Variants in PCDHA6 observed in about 807,000 individuals in gnomAD.
PCDHA6 encodes the protein protocadherin alpha-6.
Under a neutral mutation model 60.3 loss-of-function variants are expected in PCDHA6, and 55 were observed. That is an observed-to-expected ratio of 0.91 (90% CI 0.73 to 1.14). The LOEUF is 1.14. Ranked by LOEUF, PCDHA6 falls within the 50% of genes most tolerant of loss-of-function variation. The probability of loss-of-function intolerance (pLI) is 0.00; values close to 1 mark genes in which losing one functional copy is unlikely to be tolerated. For missense variants in PCDHA6, 1,327 were observed against 1,256.5 expected, an observed-to-expected ratio of 1.06 and a Z score of -0.85; for synonymous variants, 652 against 557.9, an observed-to-expected ratio of 1.17 and a Z score of -2.38.
intron 1 of PCDHA6, chr5:140,968,039 G>A (rs1016266543): frequency 1.7e-5 from 28 of 1,614,026 alleles, no homozygotes; most frequent in Non-Finnish European, 1.9e-5. Context: ...GGTGGTGAGC[G>A]GCCCACTGGA....
chr5:140,947,020 G>A (rs782772876), intron 1 of PCDHA6, among the ~76,000 whole-genome samples: 3 of 151,616 alleles, frequency 2.0e-5, no homozygotes, highest in Non-Finnish European at 4.4e-5. Flanking sequence ...AATGTTTGAG[G>A]TAATGGATAT....
At chr5:140,921,244 A>G (rs1167584267) in intron 1 of PCDHA6, among the ~76,000 whole-genome samples, 1 of 152,180 alleles carries the variant, frequency 6.6e-6, no homozygotes, top group African/African-American at 2.4e-5. Flanking sequence ...TAAGCCACAG[A>G]TCAAAAAGTC....
chr5:140,890,409 A>G (rs1554184285), intron 1 of PCDHA6, among the ~76,000 whole-genome samples: 1 of 152,174 alleles, frequency 6.6e-6, no homozygotes, highest in Non-Finnish European at 1.5e-5. Context: ...TTTAACTTGA[A>G]TATTTATTTA....
chr5:140,989,727 A>G (rs1203211477), intron 3 of PCDHA6, among the ~76,000 whole-genome samples: 2 of 152,308 alleles, frequency 1.3e-5, no homozygotes, highest in East Asian at 3.9e-4. Flanking sequence ...TTTGCAGTTG[A>G]AAAGGCCATT....
At chr5:140,865,843 A>G (rs539804831) in intron 1 of PCDHA6, 2 of 152,278 alleles carry the variant, frequency 1.3e-5, no homozygotes, top group South Asian at 4.1e-4. Context: ...TTAGTAAGTC[A>G]TTTCTCTGCT....
chr5:140,964,099 C>T (rs2095809950), intron 1 of PCDHA6, among the ~76,000 whole-genome samples: 1 of 152,142 alleles, frequency 6.6e-6, no homozygotes, highest in South Asian at 2.1e-4. Flanking sequence ...TAATTAACAA[C>T]AGTCTGAGCA....
At chr5:140,967,915 T>C in intron 1 of PCDHA6, 1 of 1,614,148 alleles carries the variant, frequency 6.2e-7, no homozygotes, top group Non-Finnish European at 8.5e-7. Context: ...CCAACACCAT[T>C]GTGGCCGTTC....
chr5:140,954,532 GT>G (rs1274213608), intron 1 of PCDHA6, among the ~76,000 whole-genome samples: 7 of 152,088 alleles, frequency 4.6e-5, no homozygotes, highest in Non-Finnish European at 5.9e-5. Context: ...TGATGTTGAG[GT>G]TTTTTTCATA....
Position 140,828,587 on chromosome 5 carries a change from TCCATCTTAA to T in PCDHA6, c.499_507del (p.Ile167_Thr169del). 6.2e-7 allele frequency: 1 copy of T among 1,614,236 alleles called. No individual in the cohort carries two copies. Among genetic ancestry groups the T allele is most frequent in the African/African-American group, 1.3e-5 (1 of 75,062 alleles). ...GTCCGATGCAGATGTTGGCTCAAAT[TCCATCTTAA>T]CCTATAAACTCAGTTCTAGCGAATA... On this transcript the variant is annotated inframe_deletion, in exon 1 of 4. Coordinates refer to ENST00000529310, the MANE Select transcript of PCDHA6 (RefSeq NM_018909.4).
chr5:140,863,234 G>A (rs782122852), intron 1 of PCDHA6: 1 of 1,250,682 alleles, frequency 8.0e-7, no homozygotes. Flanking sequence ...GTCCCATCGC[G>A]GGCTTTGGCG....
intron 1 of PCDHA6, among the ~76,000 whole-genome samples, chr5:140,937,290 G>C (rs890693007): frequency 3.3e-5 from 5 of 152,076 alleles, no homozygotes; most frequent in Non-Finnish European, 7.4e-5. Flanking sequence ...ACCCGCTTCG[G>C]CCTCCCAAAG....
At chr5:140,952,879 G>C (rs1325308016) in intron 1 of PCDHA6, among the ~76,000 whole-genome samples, 1 of 152,094 alleles carries the variant, frequency 6.6e-6, no homozygotes, top group Non-Finnish European at 1.5e-5. Context: ...TTACAATCAT[G>C]GTGGAAGGCA....
Position 141,009,784 on chromosome 5 carries a change from G to T in PCDHA6, c.2700G>T (p.Arg900=). The T allele has an allele frequency of 6.2e-7, 1 of 1,614,054 alleles. No individual in the cohort carries two copies. The highest frequency in any genetic ancestry group is 8.5e-7 in the Non-Finnish European group (1 of 1,180,018). ...GATCTCCTGCAATCATCTCCATCCG[G>T]CAGGAGCCTACTAACAGCCAAATTG... ...IPGSPAIISI[R]QEPTNSQIDK... The change falls in exon 4 of 4, where the codon CGG becomes CGT. Residue 900 remains arginine (R), a synonymous_variant. Coordinates refer to ENST00000529310, the MANE Select transcript of PCDHA6 (RefSeq NM_018909.4).
intron 1 of PCDHA6, among the ~76,000 whole-genome samples, chr5:140,914,476 G>C (rs1054000684): frequency 6.6e-6 from 1 of 152,140 alleles, no homozygotes; most frequent in Non-Finnish European, 1.5e-5. Context: ...CTTCATAGGT[G>C]AAGTGTTTCT....
intron 1 of PCDHA6, among the ~76,000 whole-genome samples, chr5:140,950,022 A>T (rs1355491628): frequency 6.6e-6 from 1 of 151,918 alleles, no homozygotes; most frequent in Non-Finnish European, 1.5e-5. Context: ...CCTTCATAAA[A>T]TATAGAAAAG....
At chr5:140,997,967 G>A (rs1275111362) in intron 3 of PCDHA6, among the ~76,000 whole-genome samples, 1 of 152,104 alleles carries the variant, frequency 6.6e-6, no homozygotes, top group African/African-American at 2.4e-5. Flanking sequence ...CGTACCTGTG[G>A]TTGGACTGCA....
intron 1 of PCDHA6, among the ~76,000 whole-genome samples, chr5:140,950,215 T>C (rs2094460409): frequency 6.6e-6 from 1 of 152,030 alleles, no homozygotes; most frequent in Non-Finnish European, 1.5e-5. Flanking sequence ...TACCTAGTCA[T>C]TTACCATTTC....
chr5:140,876,637 C>T, intron 1 of PCDHA6: 1 of 1,614,206 alleles, frequency 6.2e-7, no homozygotes, highest in Non-Finnish European at 8.5e-7. Context: ...CATCTGCTCA[C>T]TGACACCTCA....
At chr5:140,836,331 C>A (rs2150258002) in intron 1 of PCDHA6, 4 of 1,613,758 alleles carry the variant, frequency 2.5e-6, no homozygotes, top group South Asian at 1.1e-5. Flanking sequence ...CCTTCTGGTG[C>A]TTGTGAAGGA....
Sources: allele counts gnomAD v4.1 joint callset (sites outside exome capture counted in the v4.1 genomes callset), GRCh38; gene constraint gnomAD v4.1.1; transcripts MANE v1.5; gene names NCBI Gene and HGNC (gene_info 2026-07-23, HGNC 2026-07-21).